The following PCDHGB7 variants were observed in gnomAD, a reference collection of about 807,000 sequenced individuals.
PCDHGB7 encodes the protein protocadherin gamma-B7.
Under a neutral mutation model 61.4 loss-of-function variants are expected in PCDHGB7, and 37 were observed. The ratio of observed to expected loss-of-function variants is 0.60; its 90% CI spans 0.46 to 0.79. The LOEUF is 0.79. Ranked by LOEUF, PCDHGB7 falls within the 30% of genes least tolerant of loss-of-function variation. PCDHGB7 has a pLI of 0.00. For synonymous variants in PCDHGB7, 464 were observed against 503.5 expected (o/e 0.92, Z 1.05); for missense variants, 1,166 against 1,202.5 (o/e 0.97, Z 0.45).
chr5:141,478,100 C>T, intron 1 of PCDHGB7: 1 of 1,614,124 alleles, frequency 6.2e-7, no homozygotes, highest in Non-Finnish European at 8.5e-7. Context: ...CACTGCTACC[C>T]TCACTGTGTC....
At chr5:141,446,604 G>C (rs1226194089) in intron 1 of PCDHGB7, among the ~76,000 whole-genome samples, 1 of 152,134 alleles carries the variant, frequency 6.6e-6, no homozygotes, top group Non-Finnish European at 1.5e-5. Flanking sequence ...AGCCTCCTGA[G>C]TAGCTGGGAC....
At chr5:141,467,131 C>A (rs1441537783) in intron 1 of PCDHGB7, among the ~76,000 whole-genome samples, 1 of 151,702 alleles carries the variant, frequency 6.6e-6, no homozygotes, top group African/African-American at 2.4e-5. Flanking sequence ...CAGCTCACTG[C>A]AACCTCTGCC....
chr5:141,431,375 G>C lies in PCDHGB7; in HGVS notation c.2415+11101G>C. ...ACGCGCCCTGGACCGCGAAGAAAAG[G>C]CTGCTCACCACCTGGTCCTTACGGC... On this transcript the variant is annotated intron_variant, in intron 1 of 3. Transcript: ENST00000398594. This position sits in a 1 kb window ranked among gnomAD's most constrained non-coding sequence, Gnocchi z 4.8. 6.2e-7 allele frequency: 1 copy of C among 1,613,422 alleles called. No individual in the cohort carries two copies. The highest frequency in any genetic ancestry group is 8.5e-7 in the Non-Finnish European group (1 of 1,179,570).
chr5:141,473,479 G>A (rs1417960508), intron 1 of PCDHGB7, among the ~76,000 whole-genome samples: 1 of 152,118 alleles, frequency 6.6e-6, no homozygotes, highest in Non-Finnish European at 1.5e-5. Flanking sequence ...AAGTTCAATG[G>A]AAAAAATATA....
At chr5:141,500,488 C>T (rs569168291) in intron 2 of PCDHGB7, among the ~76,000 whole-genome samples, 4 of 152,178 alleles carry the variant, frequency 2.6e-5, no homozygotes, top group South Asian at 2.1e-4. Flanking sequence ...GGATTACAGG[C>T]GTGAGCCACC....
Position 141,485,373 on chromosome 5 carries a change from C to T in PCDHGB7, c.2416-9434C>T. 2 of 1,614,136 alleles carry T rather than the reference C, an allele frequency of 1.2e-6. No homozygotes were observed. Among genetic ancestry groups the T allele is most frequent in the East Asian group, 2.2e-5 (1 of 44,868 alleles). On this transcript the variant is annotated intron_variant, in intron 1 of 3. Transcript: ENST00000398594. This position sits in a 1 kb window ranked among gnomAD's most constrained non-coding sequence, Gnocchi z 5.7. ...CTGTCAGCTCGCAGGCTGCAGGTCG[C>T]TGGAGAGGTGAACCAAAGACACTTC... is the stretch of plus-strand genomic sequence containing the variant.
chr5:141,430,493 C>G (rs1232369484), intron 1 of PCDHGB7: 1 of 285,344 alleles, frequency 3.5e-6, no homozygotes, highest in African/African-American at 2.2e-5. Flanking sequence ...ACGAAATATC[C>G]TTTCTGGGAG....
Position 141,417,739 on chromosome 5 carries a change from C to G in PCDHGB7, c.-121C>G, listed in dbSNP as rs1002260902. On this transcript the variant is annotated 5_prime_UTR_variant, in exon 1 of 4. Transcript: ENST00000398594. The stretch of plus-strand genomic sequence containing the variant: ...GGCTGCGCAGACCTTGCCCAGCACA[C>G]CAGATTGCCAGCTCCGAGACCCGGG... 1.6e-5 allele frequency: 22 copies of G among 1,411,706 alleles called. No homozygotes were observed. In the African/African-American group the frequency reaches 1.7e-4, roughly 11 times the overall value. The allele number at this position is 1,411,706 out of a possible 1,614,324, so 87.4% of individuals were successfully genotyped here.
chr5:141,436,063 A>G (rs1406994228), intron 1 of PCDHGB7, among the ~76,000 whole-genome samples: 1 of 152,230 alleles, frequency 6.6e-6, no homozygotes, highest in Non-Finnish European at 1.5e-5. Flanking sequence ...ATAGAATTTA[A>G]TAAGTACAGT....
Position 141,477,876 on chromosome 5 carries a change from G to A in PCDHGB7, c.2416-16931G>A, listed in dbSNP as rs1412801533. The A allele has an allele frequency of 4.3e-6, 7 of 1,614,144 alleles. No individual in the cohort carries two copies. Among genetic ancestry groups the A allele is most frequent in the Non-Finnish European group, 5.9e-6 (7 of 1,180,030 alleles). ...ATGCTGCCTCGAGGTACCTCAGCTG[G>A]CCACCTAGTGTCACGGGTGGTAGGC... On this transcript the variant is annotated intron_variant, in intron 1 of 3. Coordinates refer to ENST00000398594, the MANE Select transcript of PCDHGB7 (RefSeq NM_018927.4). The surrounding 1 kb of genome is among the most constrained non-coding windows in gnomAD (Gnocchi z 4.9).
rs980196319 is a variant in PCDHGB7 at position 141,511,604 on chromosome 5, A to C, written c.*431A>C. 3 of 248,420 alleles carry C rather than the reference A, an allele frequency of 1.2e-5. No individual in the cohort carries two copies. Among genetic ancestry groups the C allele is most frequent in the African/African-American group, 6.6e-5 (3 of 45,596 alleles). The allele number at this position is 248,420 out of a possible 1,614,324, so 15.4% of individuals were successfully genotyped here. Reference sequence around the variant, plus strand: ...GGTGTTGAAGTACCAAGTAACCTACAAGCCTCCTAGTTCTGAAAAGTTGGA... The same window carrying C: ...GGTGTTGAAGTACCAAGTAACCTACCAGCCTCCTAGTTCTGAAAAGTTGGA... On this transcript the variant is annotated 3_prime_UTR_variant, in exon 4 of 4. Coordinates refer to ENST00000398594, the MANE Select transcript of PCDHGB7 (RefSeq NM_018927.4).
At chr5:141,445,284 C>A (rs2098462533) in intron 1 of PCDHGB7, among the ~76,000 whole-genome samples, 1 of 152,178 alleles carries the variant, frequency 6.6e-6, no homozygotes, top group African/African-American at 2.4e-5. Flanking sequence ...TGCATAAGTT[C>A]AGGCTTCCAT....
At chr5:141,446,049 G>T (rs1043671484) in intron 1 of PCDHGB7, among the ~76,000 whole-genome samples, 1 of 152,100 alleles carries the variant, frequency 6.6e-6, no homozygotes, top group African/African-American at 2.4e-5. Context: ...AAGAAGAGCT[G>T]GCTTGGATTA....
Position 141,491,573 on chromosome 5 carries a change from T to G in PCDHGB7, c.2416-3234T>G. The G allele has an allele frequency of 6.2e-7, 1 of 1,613,912 alleles. No individual in the cohort carries two copies. The highest frequency in any genetic ancestry group is 8.5e-7 in the Non-Finnish European group (1 of 1,180,030). The stretch of plus-strand genomic sequence containing the variant: ...CAGAGCCACTGCTACAGGACGTGCT[T>G]TTCACCGGCCTCGGACGGCAGTGAC... On this transcript the variant is annotated intron_variant, in intron 1 of 3. Transcript: ENST00000398594. The surrounding 1 kb of genome is among the most constrained non-coding windows in gnomAD (Gnocchi z 6.9).
At chr5:141,502,978 G>T (rs1004984942) in intron 2 of PCDHGB7, among the ~76,000 whole-genome samples, 1 of 150,096 alleles carries the variant, frequency 6.7e-6, no homozygotes, top group Non-Finnish European at 1.5e-5. Context: ...CAAGTAGCTG[G>T]GATTACAGGC....
intron 1 of PCDHGB7, among the ~76,000 whole-genome samples, chr5:141,455,803 A>G (rs1197986124): frequency 6.6e-6 from 1 of 152,068 alleles, no homozygotes; most frequent in Non-Finnish European, 1.5e-5. Context: ...TGCTTTAAAA[A>G]ATGAAAACTT....
intron 1 of PCDHGB7, chr5:141,423,368 C>A: frequency 3.1e-6 from 5 of 1,614,200 alleles, no homozygotes; most frequent in Non-Finnish European, 4.2e-6. Context: ...GTGCTGCTGG[C>A]ACTCAGGCTG....
Position 141,436,164 on chromosome 5 carries a change from A to G in PCDHGB7, c.2415+15890A>G, listed in dbSNP as rs896845015. Among the ~76,000 whole-genome samples, 8 of 152,188 alleles carry G rather than the reference A, an allele frequency of 5.3e-5. No homozygotes were observed. The East Asian group carries it at 1.3e-3, about 26-fold the overall frequency. ...AACTACCAAAATGTTTATCATATGG[A>G]CAGTTCTCATATATAGTCAAATAGA... On this transcript the variant is annotated intron_variant, in intron 1 of 3. Transcript: ENST00000398594.
At chr5:141,448,999 GT>G (rs910018882) in intron 1 of PCDHGB7, among the ~76,000 whole-genome samples, 2 of 151,816 alleles carry the variant, frequency 1.3e-5, no homozygotes, top group African/African-American at 4.8e-5. Context: ...ATAGAAAGCT[GT>G]TTTTTTTAAC....
Sources: allele counts gnomAD v4.1 joint callset (sites outside exome capture counted in the v4.1 genomes callset), GRCh38; gene constraint gnomAD v4.1.1; non-coding constraint Gnocchi (gnomAD v3.1); transcripts MANE v1.5; gene names NCBI Gene and HGNC (gene_info 2026-07-23, HGNC 2026-07-21).